The following CLIP1 variants were observed in gnomAD, a reference collection of about 807,000 sequenced individuals.
The protein encoded by CLIP1 is CAP-Gly domain-containing linker protein 1.
Under a neutral mutation model 161.6 loss-of-function variants are expected in CLIP1, and 66 were observed. The ratio of observed to expected loss-of-function variants is 0.41; its 90% CI spans 0.33 to 0.50. The LOEUF is 0.50. Among genes scored for constraint, CLIP1 ranks in the 20% least tolerant of loss-of-function variants. The pLI is 0.27. For synonymous variants in CLIP1, 598 were observed against 626.2 expected (o/e 0.96, Z 0.67); for missense variants, 1,376 against 1,702.0 (o/e 0.81, Z 3.37).
intron 11 of CLIP1, among the ~76,000 whole-genome samples, chr12:122,338,911 C>T (rs1470879530): frequency 6.6e-6 from 1 of 152,144 alleles, no homozygotes; most frequent in Non-Finnish European, 1.5e-5. Context: ...AGTTTGTCAT[C>T]TTCGACTATG....
rs1467109689 is a variant in CLIP1 at position 122,364,523 on chromosome 12, C to T, written c.658-416G>A. ...GGCTAGGGGATCTTCCCACCTCAACCTCCTGGGTAGCTGAAACTACAGGTG... is the reference window on the plus strand; with the variant it reads ...GGCTAGGGGATCTTCCCACCTCAACTTCCTGGGTAGCTGAAACTACAGGTG... On this transcript the variant is annotated intron_variant, in intron 3 of 25. Coordinates refer to ENST00000620786, the MANE Select transcript of CLIP1 (RefSeq NM_001247997.2). Among the ~76,000 whole-genome samples, 5 of 152,086 alleles carry T rather than the reference C, an allele frequency of 3.3e-5. No homozygotes were observed. In the East Asian group the frequency reaches 9.7e-4, roughly 29 times the overall value.
At chr12:122,373,010 G>A (rs907393874) in intron 3 of CLIP1, among the ~76,000 whole-genome samples, 9 of 152,102 alleles carry the variant, frequency 5.9e-5, no homozygotes, top group Non-Finnish European at 8.8e-5. Context: ...TAGGTGCAGC[G>A]TATACTGCTC....
chr12:122,302,753 C>T (rs778888629), intron 20 of CLIP1, among the ~76,000 whole-genome samples: 8 of 152,060 alleles, frequency 5.3e-5, no homozygotes, highest in South Asian at 2.1e-4. Context: ...GGCACCACCA[C>T]GCCTGGCTAA....
At chr12:122,405,782 A>T (rs993090886) in intron 1 of CLIP1, among the ~76,000 whole-genome samples, 10 of 149,864 alleles carry the variant, frequency 6.7e-5, no homozygotes, top group African/African-American at 2.5e-4. Context: ...CAAAAAGGAA[A>T]CAGCAGCCGG....
At chr12:122,325,424 G>T (rs964723687) in intron 17 of CLIP1, among the ~76,000 whole-genome samples, 5 of 151,852 alleles carry the variant, frequency 3.3e-5, no homozygotes, top group Non-Finnish European at 7.4e-5. Context: ...CTGAAATGTG[G>T]TGAGTGCAAC....
rs1158251525 is a variant in CLIP1 at position 122,341,604 on chromosome 12, C to T, written c.1600G>A (p.Glu534Lys). Reference sequence around the variant, plus strand: ...ACATCCCCAGCAGGCTTATTGGACTCTAGCCTTCTTCGGAGCTCAGCTACT... The same window carrying T: ...ACATCCCCAGCAGGCTTATTGGACTTTAGCCTTCTTCGGAGCTCAGCTACT... ...QEVAELRRRLESNKPAGDVDM... is the reference protein window; with the variant it reads ...QEVAELRRRLKSNKPAGDVDM... Residue 534 changes from glutamate (E) to lysine (K), a missense_variant, in exon 11 of 26, where the codon GAG becomes AAG. Transcript: ENST00000620786. 1.2e-5 allele frequency: 20 copies of T among 1,613,648 alleles called. No homozygotes were observed. Among genetic ancestry groups the T allele is most frequent in the Non-Finnish European group, 1.7e-5 (20 of 1,179,994 alleles).
intron 20 of CLIP1, among the ~76,000 whole-genome samples, chr12:122,302,322 G>T (rs1229624650): frequency 6.6e-6 from 1 of 152,052 alleles, no homozygotes; most frequent in African/African-American, 2.4e-5. Context: ...GGCTGGTCTT[G>T]AACTCCTGAC....
intron 1 of CLIP1, among the ~76,000 whole-genome samples, chr12:122,384,618 G>A (rs904160937): frequency 6.6e-5 from 10 of 152,046 alleles, no homozygotes; most frequent in South Asian, 2.1e-4. Flanking sequence ...AAAATTAGCC[G>A]GGCATGGTGG....
intron 11 of CLIP1, 32 bp downstream of exon 11, chr12:122,340,721 A>G: frequency 6.8e-7 from 1 of 1,480,504 alleles, no homozygotes; most frequent in Non-Finnish European, 9.1e-7. Flanking sequence ...TAACAAATGG[A>G]AAAGAAAAGA....
At chr12:122,315,395 T>A (rs539064079) in intron 19 of CLIP1, among the ~76,000 whole-genome samples, 37 of 152,138 alleles carry the variant, frequency 2.4e-4, no homozygotes, top group Non-Finnish European at 3.2e-4. Flanking sequence ...GTTGATACAG[T>A]GTCATTAACA....
At position 122,340,824 on chromosome 12, in the gene CLIP1, TAA is replaced by T. The variant is rs931756904; in HGVS notation, c.2378_2379del (p.Leu793GlnfsTer5). ...SSEGKSEMKK[L>X]RQQLEAAEKQ... Reference sequence around the variant, plus strand: ...TTCTCAGCTGCCTCAAGCTGCTGTCTAAGTTTCTTCATTTCCGATTTACCTTC... The same window carrying T: ...TTCTCAGCTGCCTCAAGCTGCTGTCTGTTTCTTCATTTCCGATTTACCTTC... On this transcript the variant is annotated frameshift_variant, in exon 11 of 26. Coordinates refer to ENST00000620786, the MANE Select transcript of CLIP1 (RefSeq NM_001247997.2). LOFTEE classifies it high-confidence loss of function. The T allele has an allele frequency of 4.3e-6, 7 of 1,613,820 alleles. No individual in the cohort carries two copies. Among genetic ancestry groups the T allele is most frequent in the Non-Finnish European group, 5.9e-6 (7 of 1,179,942 alleles).
chr12:122,365,033 A>G, intron 3 of CLIP1: 5 of 403,586 alleles, frequency 1.2e-5, no homozygotes, highest in South Asian at 8.8e-5. Flanking sequence ...GGAATTGAAC[A>G]ATGAGAACAC....
chr12:122,356,310 C>T (rs1403119994), intron 5 of CLIP1: 1 of 152,184 alleles, frequency 6.6e-6, no homozygotes, highest in Non-Finnish European at 1.5e-5. Flanking sequence ...TTTAAAATTT[C>T]AAGAGAAACA....
intron 20 of CLIP1, among the ~76,000 whole-genome samples, chr12:122,291,808 G>C (rs1238411011): frequency 1.8e-4 from 27 of 152,114 alleles, no homozygotes; most frequent in Admixed American, 6.6e-5. Flanking sequence ...GATACGTTTT[G>C]AAACTACGTA....
chr12:122,305,266 T>C (rs1593023297), intron 20 of CLIP1, among the ~76,000 whole-genome samples: 1 of 152,278 alleles, frequency 6.6e-6, no homozygotes, highest in Non-Finnish European at 1.5e-5. Flanking sequence ...AACATTATTT[T>C]TAGAATTCCC....
intron 5 of CLIP1, chr12:122,360,754 T>TAAA: frequency 1.9e-6 from 1 of 539,498 alleles, no homozygotes. Context: ...AAGGGACTAT[T>TAAA]AAAAGCACTT....
intron 1 of CLIP1, among the ~76,000 whole-genome samples, chr12:122,397,705 C>T (rs1480419287): frequency 6.6e-6 from 1 of 151,934 alleles, no homozygotes; most frequent in East Asian, 1.9e-4. Context: ...CACCTATAAT[C>T]CCAGCACTTT....
chr12:122,351,963 C>CA (rs1354157369), intron 8 of CLIP1, among the ~76,000 whole-genome samples: 2 of 151,592 alleles, frequency 1.3e-5, no homozygotes, highest in Non-Finnish European at 2.9e-5. Context: ...AAAAAATTAA[C>CA]AATTACAACA....
At chr12:122,284,465 G>A (rs1419480892) in intron 21 of CLIP1, among the ~76,000 whole-genome samples, 2 of 151,828 alleles carry the variant, frequency 1.3e-5, no homozygotes, top group African/African-American at 4.8e-5. Flanking sequence ...CGATTCTCCT[G>A]CCTCAGCCTC....
Sources: allele counts gnomAD v4.1 joint callset (sites outside exome capture counted in the v4.1 genomes callset), GRCh38; gene constraint gnomAD v4.1.1; transcripts MANE v1.5; gene names NCBI Gene and HGNC (gene_info 2026-07-23, HGNC 2026-07-21).